EI24: variants seen among roughly 807,000 people sequenced by gnomAD.
EI24 encodes the protein etoposide-induced protein 2.4 homolog.
EI24 carries 21 observed loss-of-function variants against 48.6 expected under a neutral mutation model. That is an observed-to-expected ratio of 0.43 (90% confidence interval 0.31 to 0.62). EI24 has a LOEUF of 0.62. EI24 is among the 20% of genes least tolerant of loss of function. The pLI is 0.10. For synonymous variants in EI24, 114 were observed against 145.5 expected (o/e 0.78, Z 1.56); for missense variants, 280 against 410.5 (o/e 0.68, Z 2.75).
rs151227065 is a variant in EI24 at position 125,583,377 on chromosome 11, G to C, written c.861-144G>C. 315 of 692,504 alleles carry C rather than the reference G, an allele frequency of 4.5e-4. 1 individual carries two copies. Among genetic ancestry groups the C allele is most frequent in the African/African-American group, 4.5e-3 (247 of 54,712 alleles). 42.9% of individuals were successfully genotyped at this position (692,504 alleles called of 1,614,324 possible). On this transcript the variant is annotated intron_variant, in intron 10 of 10. Coordinates refer to ENST00000278903, the MANE Select transcript of EI24 (RefSeq NM_004879.5). ...TTCTTTAGTTGCCTGTTCCATCCAT[G>C]TATCTAATATCTGTATTTCCTTGAT...
intron 2 of EI24, chr11:125,573,449 A>G: frequency 4.0e-6 from 1 of 248,180 alleles, no homozygotes; most frequent in Non-Finnish European, 8.6e-6. Flanking sequence ...AGAGTTTAAA[A>G]GGTTACCTTT....
chr11:125,569,630 T>TGGCAGGGACCGGGAGGGCA (rs1306697325), intron 1 of EI24, 57 bp downstream of exon 1: 5 of 349,240 alleles, frequency 1.4e-5, no homozygotes, highest in African/African-American at 4.3e-5. Flanking sequence ...CCATTCTGAG[T>TGGCAGGGACCGGGAGGGCA]GGCAGGGACC....
At position 125,583,725 on chromosome 11, in the gene EI24, C is replaced by A; in HGVS notation, c.*42C>A. ...AGGGGATGGGCGGGATTGGAAGAAG[C>A]TGTGGCAGCTCTTTTCCCTGTTCAC... On this transcript the variant is annotated 3_prime_UTR_variant, in exon 11 of 11. Coordinates refer to ENST00000278903, the MANE Select transcript of EI24 (RefSeq NM_004879.5). 1 of 1,590,766 alleles carries A rather than the reference C, an allele frequency of 6.3e-7. No homozygotes were observed. The highest frequency in any genetic ancestry group is 8.6e-7 in the Non-Finnish European group (1 of 1,168,376).
At chr11:125,578,879 G>C in intron 6 of EI24, 70 bp from the exon 7 acceptor site, 1 of 1,506,888 alleles carries the variant, frequency 6.6e-7, no homozygotes, top group Non-Finnish European at 8.9e-7. Flanking sequence ...TGGCGGACTA[G>C]TGGCCTTAGC....
At chr11:125,573,405 A>G in intron 2 of EI24, 2 of 181,196 alleles carry the variant, frequency 1.1e-5, no homozygotes, top group East Asian at 1.4e-4. Context: ...AAAGAGGCCA[A>G]TTCTTGGAGT....
rs1428694403 is a variant in EI24, at chr11:125,580,131, T to C, written c.600T>C (p.Gly200=). ...GTCTCTTTCCCATCCATCTTGTCGG[T>C]CAGCTGGTTAGTCTCCTGCATATGT... The part of the protein sequence containing the change: ...FVSLFPIHLV[G]QLVSLLHMSL... The change falls in exon 8 of 11, where the codon GGT becomes GGC. Residue 200 remains glycine, a synonymous_variant. Coordinates refer to ENST00000278903, the MANE Select transcript of EI24 (RefSeq NM_004879.5). 3 of 1,613,930 alleles carry C rather than the reference T, an allele frequency of 1.9e-6. No individual in the cohort carries two copies. The highest frequency in any genetic ancestry group is 2.5e-6 in the Non-Finnish European group (3 of 1,179,812).
chr11:125,584,669 G>A lies in EI24; in HGVS notation c.*986G>A, dbSNP rs956809417. 1.3e-5 allele frequency: 2 copies of A among 152,260 alleles called. No homozygotes were observed. The highest frequency in any genetic ancestry group is 2.9e-5 in the Non-Finnish European group (2 of 68,034). 9.4% of individuals were successfully genotyped at this position (152,260 alleles called of 1,614,324 possible). A position where few individuals can be genotyped will look rare whatever the true frequency, so the allele number is the denominator to read the frequency against. On this transcript the variant is annotated 3_prime_UTR_variant, in exon 11 of 11. Coordinates refer to ENST00000278903, the MANE Select transcript of EI24 (RefSeq NM_004879.5). ...TTTAAAATGTCACAATTAAACATGA[G>A]CTGGTTTCCCACAAAGTGTCTAATG...
chr11:125,580,004 C>A, intron 7 of EI24, 89 bp from the exon 8 acceptor site: 2 of 1,032,932 alleles, frequency 1.9e-6, no homozygotes, highest in Admixed American at 1.7e-5. Flanking sequence ...AGCTAGGAAG[C>A]TATCTCAGAC....
chr11:125,580,051 T>C (rs1455006382), intron 7 of EI24, 42 bp from the exon 8 acceptor site: 3 of 1,479,954 alleles, frequency 2.0e-6, no homozygotes, highest in African/African-American at 2.8e-5. Context: ...GTGCTAGGTT[T>C]CCGAGGCTTT....
rs1203112235 is a variant in EI24 at position 125,583,604 on chromosome 11, T to C, written c.944T>C (p.Leu315Pro). ...FHKTVYLQSA[L>P]SSSTSAEKFP... The stretch of plus-strand genomic sequence containing the variant: ...AAGACAGTCTACCTGCAGTCGGCCC[T>C]GAGCAGCTCTACTTCTGCAGAGAAG... Residue 315 changes from leucine (L) to proline (P), a missense_variant, in exon 11 of 11, where the codon CTG (leucine) becomes CCG (proline). Around this residue, in one of 3 missense-constraint regions of EI24, gnomAD observed 62 missense variants for 65.1 expected, o/e 0.95. Coordinates refer to ENST00000278903, the MANE Select transcript of EI24 (RefSeq NM_004879.5). 2.5e-6 allele frequency: 4 copies of C among 1,613,274 alleles called. No homozygotes were observed. The highest frequency in any genetic ancestry group is 3.4e-6 in the Non-Finnish European group (4 of 1,179,760).
At chr11:125,569,779 G>T (rs1452060741) in intron 1 of EI24, 2 of 290,774 alleles carry the variant, frequency 6.9e-6, no homozygotes, top group African/African-American at 2.2e-5. Context: ...GCTATCTTTA[G>T]CTCCCTGTGT....
chr11:125,577,672 A>G (rs563801989), intron 5 of EI24, 102 bp downstream of exon 5: 2 of 972,810 alleles, frequency 2.1e-6, no homozygotes, highest in African/African-American at 3.3e-5. Context: ...AGGAGCTTTC[A>G]CTGTTTATTT....
In EI24 at chr11:125,583,805, C is replaced by A; in HGVS notation, c.*122C>A. 7.4e-7 allele frequency: 1 copy of A among 1,358,490 alleles called. No individual in the cohort carries two copies. Among genetic ancestry groups the A allele is most frequent in the East Asian group, 2.5e-5 (1 of 39,440 alleles). The allele number at this position is 1,358,490 out of a possible 1,614,324, so 84.2% of individuals were successfully genotyped here. ...CTCTGCCAAGGGCCCTCTGCGTATT[C>A]CCTTCTCTCTGAGGAATTGAAATTT... On this transcript the variant is annotated 3_prime_UTR_variant, in exon 11 of 11. Transcript: ENST00000278903.
rs1279366148 is a variant in EI24, at chr11:125,574,532, G to C, written c.43-731G>C. 2.0e-5 allele frequency among the ~76,000 whole-genome samples: 3 copies of C among 152,226 alleles called. No individual in the cohort carries two copies. In the East Asian group the frequency reaches 5.8e-4, roughly 29 times the overall value. ...AATACATCAACTTGCCCATTTCTCT[G>C]TATTCCAGCTATTATTTCTAAAATT... On this transcript the variant is annotated intron_variant, in intron 2 of 10. Coordinates refer to ENST00000278903, the MANE Select transcript of EI24 (RefSeq NM_004879.5).
At chr11:125,578,295 A>G in intron 6 of EI24, 38 bp downstream of exon 6, 1 of 1,612,448 alleles carries the variant, frequency 6.2e-7, no homozygotes, top group Non-Finnish European at 8.5e-7. Flanking sequence ...GTCCCGCAGC[A>G]TGATTGGCTG....
chr11:125,581,929 G>A (rs1313495647), intron 9 of EI24, among the ~76,000 whole-genome samples: 1 of 152,020 alleles, frequency 6.6e-6, no homozygotes, highest in East Asian at 1.9e-4. Flanking sequence ...TGGGTGCCAC[G>A]GCTCACGCCT....
chr11:125,577,581 A>G lies in EI24; in HGVS notation c.316+11A>G. ...CAGCCCGAATTATCGGTAAGTGTATACCCTGCTCCTTGTCTGTTGGGGACA... is the reference window on the plus strand; with the variant it reads ...CAGCCCGAATTATCGGTAAGTGTATGCCCTGCTCCTTGTCTGTTGGGGACA... On this transcript the variant is annotated intron_variant, in intron 5 of 10. Coordinates refer to ENST00000278903, the MANE Select transcript of EI24 (RefSeq NM_004879.5). The G allele has an allele frequency of 6.2e-7, 1 of 1,609,088 alleles. No individual in the cohort carries two copies. Among genetic ancestry groups the G allele is most frequent in the Admixed American group, 1.7e-5 (1 of 59,370 alleles).
intron 2 of EI24, among the ~76,000 whole-genome samples, chr11:125,573,208 A>T (rs1408558341): frequency 1.3e-5 from 2 of 152,086 alleles, no homozygotes; most frequent in Admixed American, 6.5e-5. Flanking sequence ...ACCTGCCAGA[A>T]CCTTTTTTCT....
At chr11:125,582,474 C>T (rs1409168296) in intron 10 of EI24, 54 bp downstream of exon 10, 2 of 1,331,010 alleles carry the variant, frequency 1.5e-6, no homozygotes, top group African/African-American at 1.5e-5. Context: ...GGGGCTGTAA[C>T]ACCAGTTATG....
Sources: allele counts gnomAD v4.1 joint callset (sites outside exome capture counted in the v4.1 genomes callset), GRCh38; gene constraint gnomAD v4.1.1; regional missense constraint gnomAD v4.1.1; transcripts MANE v1.5; gene names NCBI Gene and HGNC (gene_info 2026-07-23, HGNC 2026-07-21).